Variants in SLC24A2 observed in about 807,000 individuals in gnomAD.
SLC24A2 encodes the protein sodium/potassium/calcium exchanger 2.
A neutral mutation model predicts 62.0 loss-of-function variants in SLC24A2; 36 were observed. The observed-to-expected ratio is 0.58, with a 90% CI of 0.44 to 0.77. The LOEUF is 0.77. Among genes scored for constraint, SLC24A2 ranks in the 30% least tolerant of loss-of-function variants. The pLI is 0.00. For missense variants in SLC24A2, 846 were observed against 817.9 expected (o/e 1.03, Z -0.42); for synonymous variants, 358 against 294.0 (o/e 1.22, Z -2.23).
chr9:19,847,167 T>C, the SLC24A2 span, among the ~76,000 whole-genome samples: 102 of 152,354 alleles, frequency 6.7e-4, no homozygotes, highest in Non-Finnish European at 1.3e-3. Flanking sequence ...CAAGTAAATA[T>C]GTGGCATAAA....
the SLC24A2 span, among the ~76,000 whole-genome samples, chr9:20,057,260 T>C: frequency 3.3e-5 from 5 of 152,236 alleles, no homozygotes; most frequent in African/African-American, 4.8e-5. Context: ...ATGCTCATTA[T>C]GTTATTAAAT....
intron 2 of SLC24A2, among the ~76,000 whole-genome samples, chr9:19,690,487 G>T (rs1019822323): frequency 5.3e-5 from 8 of 152,110 alleles, no homozygotes; most frequent in Non-Finnish European, 8.8e-5. Context: ...GGGATGGTAA[G>T]CTGATGAGAT....
At chr9:19,952,917 A>T in the SLC24A2 span, among the ~76,000 whole-genome samples, 1 of 151,842 alleles carries the variant, frequency 6.6e-6, no homozygotes, top group Non-Finnish European at 1.5e-5. Context: ...TATAATTACA[A>T]ATTTATTTTT....
At chr9:19,768,738 T>C (rs1179649751) in intron 2 of SLC24A2, among the ~76,000 whole-genome samples, 2 of 152,214 alleles carry the variant, frequency 1.3e-5, no homozygotes, top group East Asian at 3.8e-4. Context: ...ATTTTCAGAC[T>C]GTGGTTGACT....
chr9:20,103,712 C>T, the SLC24A2 span, among the ~76,000 whole-genome samples: 1 of 152,130 alleles, frequency 6.6e-6, no homozygotes, highest in Non-Finnish European at 1.5e-5. Context: ...TCACCATCAT[C>T]AAAGACCAAA....
chr9:19,897,313 A>G, the SLC24A2 span, among the ~76,000 whole-genome samples: 1 of 152,124 alleles, frequency 6.6e-6, no homozygotes, highest in East Asian at 1.9e-4. Context: ...TGTTTTTCAT[A>G]TTTATAAATG....
At chr9:19,691,542 C>T (rs909978727) in intron 2 of SLC24A2, among the ~76,000 whole-genome samples, 4 of 152,088 alleles carry the variant, frequency 2.6e-5, no homozygotes, top group Non-Finnish European at 4.4e-5. Context: ...TCTATCTCTG[C>T]GATTATTAAC....
chr9:20,003,630 T>A, the SLC24A2 span, among the ~76,000 whole-genome samples: 2 of 152,118 alleles, frequency 1.3e-5, no homozygotes, highest in Admixed American at 6.6e-5. Flanking sequence ...ATGTCAGGGG[T>A]TGGCATTTAA....
At chr9:19,990,922 G>GAGATATATATATATAT in the SLC24A2 span, among the ~76,000 whole-genome samples, 3 of 120,812 alleles carry the variant, frequency 2.5e-5, no homozygotes, top group African/African-American at 7.3e-5. Context: ...GGACTAATAG[G>GAGATATATATATATAT]ATATATATAT....
chr9:19,954,655 TC>T, the SLC24A2 span, among the ~76,000 whole-genome samples: 1 of 152,044 alleles, frequency 6.6e-6, no homozygotes, highest in South Asian at 2.1e-4. Flanking sequence ...CTGAAACATT[TC>T]CCTCAAGATT....
the SLC24A2 span, among the ~76,000 whole-genome samples, chr9:19,841,904 G>C: frequency 6.6e-6 from 1 of 152,154 alleles, no homozygotes. Context: ...TGTCTATGGT[G>C]GCAGGGATGG....
At chr9:19,675,471 T>A (rs536518863) in intron 2 of SLC24A2, among the ~76,000 whole-genome samples, 4 of 152,096 alleles carry the variant, frequency 2.6e-5, no homozygotes, top group Non-Finnish European at 5.9e-5. Flanking sequence ...AGAAAGACCA[T>A]CAGGTGTAAG....
intron 2 of SLC24A2, among the ~76,000 whole-genome samples, chr9:19,782,949 G>T (rs1823057689): frequency 6.6e-6 from 1 of 152,098 alleles, no homozygotes; most frequent in Admixed American, 6.5e-5. Flanking sequence ...ACTGTGTCAT[G>T]ATGGTATATA....
chr9:20,207,601 C>T, the SLC24A2 span, among the ~76,000 whole-genome samples: 1 of 152,226 alleles, frequency 6.6e-6, no homozygotes, highest in African/African-American at 2.4e-5. Flanking sequence ...TAGACTGTCT[C>T]ACACCTTTTT....
chr9:20,103,959 TAGA>T, the SLC24A2 span, among the ~76,000 whole-genome samples: 3 of 152,124 alleles, frequency 2.0e-5, no homozygotes, highest in Admixed American at 2.0e-4. Flanking sequence ...AAAAAAAATT[TAGA>T]AGAATGTATA....
At chr9:20,143,660 T>A in the SLC24A2 span, among the ~76,000 whole-genome samples, 2 of 152,234 alleles carry the variant, frequency 1.3e-5, no homozygotes, top group Non-Finnish European at 2.9e-5. Context: ...AATAGGTTTA[T>A]GTCAGAGAGC....
chr9:19,983,168 G>A, the SLC24A2 span, among the ~76,000 whole-genome samples: 1 of 152,090 alleles, frequency 6.6e-6, no homozygotes, highest in African/African-American at 2.4e-5. Flanking sequence ...AGACAATTAT[G>A]AAGAAAAATG....
At chr9:19,870,255 T>C in the SLC24A2 span, among the ~76,000 whole-genome samples, 2 of 152,176 alleles carry the variant, frequency 1.3e-5, no homozygotes, top group Non-Finnish European at 1.5e-5. Context: ...ATTCTAGACA[T>C]TTCATACAAA....
chr9:19,899,156 G>C, the SLC24A2 span, among the ~76,000 whole-genome samples: 3 of 152,184 alleles, frequency 2.0e-5, no homozygotes, highest in Non-Finnish European at 2.9e-5. Context: ...CTAAGTCAAA[G>C]TCTCATGGAT....
Sources: allele counts gnomAD v4.1 joint callset (sites outside exome capture counted in the v4.1 genomes callset), GRCh38; gene constraint gnomAD v4.1.1; transcripts MANE v1.5; gene names NCBI Gene and HGNC (gene_info 2026-07-23, HGNC 2026-07-21).